Variants in DNER observed in about 807,000 individuals in gnomAD.
The protein encoded by DNER is delta/notch like EGF repeat containing, also known as delta and Notch-like epidermal growth factor-related receptor.
DNER carries 33 observed loss-of-function variants against 78.2 expected under a neutral mutation model. The observed-to-expected ratio is 0.42, with a 90% CI of 0.32 to 0.56. The LOEUF is 0.56. Among genes scored for constraint, DNER ranks in the 20% least tolerant of loss-of-function variants. The pLI is 0.11. For missense variants in DNER, 918 were observed against 975.3 expected (o/e 0.94, Z 0.78); for synonymous variants, 417 against 384.8 (o/e 1.08, Z -0.98).
At chr2:229,379,062 A>T (rs1342699622) in intron 11 of DNER, among the ~76,000 whole-genome samples, 1 of 152,192 alleles carries the variant, frequency 6.6e-6, no homozygotes, top group East Asian at 1.9e-4. Context: ...ATCAAATGGA[A>T]GATGATAGAG....
intron 4 of DNER, among the ~76,000 whole-genome samples, chr2:229,560,268 A>G (rs1032599569): frequency 1.3e-5 from 2 of 152,254 alleles, no homozygotes; most frequent in African/African-American, 4.8e-5. Context: ...TTAAAGGGAA[A>G]GCATAAGTGG....
chr2:229,714,517 G>T lies in DNER; in HGVS notation c.-94C>A, dbSNP rs1699965511. 3.8e-6 allele frequency: 4 copies of T among 1,058,038 alleles called. No individual in the cohort carries two copies. The South Asian group carries it at 1.8e-4, about 46-fold the overall frequency. The allele number at this position is 1,058,038 out of a possible 1,614,324, so 65.5% of individuals were successfully genotyped here. A position where few individuals can be genotyped will look rare whatever the true frequency, so the allele number is the denominator to read the frequency against. On this transcript the variant is annotated 5_prime_UTR_variant, in exon 1 of 13. Coordinates refer to ENST00000341772, the MANE Select transcript of DNER (RefSeq NM_139072.4). ...GAGAGCTGCGAGAGCGACGGTGGCG[G>T]CTAGGGCTGCTCCGCCGGGCCGGGC...
chr2:229,469,794 A>G (rs946577663), intron 7 of DNER, among the ~76,000 whole-genome samples: 1 of 152,102 alleles, frequency 6.6e-6, no homozygotes. Context: ...AATACAAAAA[A>G]TAGCTGGGCA....
At chr2:229,431,820 T>A (rs1694014021) in intron 8 of DNER, among the ~76,000 whole-genome samples, 1 of 152,046 alleles carries the variant, frequency 6.6e-6, no homozygotes, top group Admixed American at 6.5e-5. Context: ...AGATGTCTTT[T>A]ACAAAAGGAA....
At chr2:229,396,676 G>C (rs1378483015) in intron 10 of DNER, among the ~76,000 whole-genome samples, 1 of 152,208 alleles carries the variant, frequency 6.6e-6, no homozygotes, top group Non-Finnish European at 1.5e-5. Context: ...TAAGGAAAAA[G>C]TGAAATATTA....
At chr2:229,574,802 C>G (rs1697268640) in intron 4 of DNER, among the ~76,000 whole-genome samples, 1 of 151,996 alleles carries the variant, frequency 6.6e-6, no homozygotes, top group African/African-American at 2.4e-5. Context: ...TCTCTTTCTT[C>G]CTCTCTCCAA....
intron 5 of DNER, among the ~76,000 whole-genome samples, chr2:229,540,782 A>G (rs1696496849): frequency 6.6e-6 from 1 of 152,200 alleles, no homozygotes; most frequent in Admixed American, 6.5e-5. Flanking sequence ...CCTGGGCTCT[A>G]GAAGGTTTGA....
intron 7 of DNER, among the ~76,000 whole-genome samples, chr2:229,451,794 C>A (rs1009992661): frequency 6.6e-6 from 1 of 152,128 alleles, no homozygotes; most frequent in Non-Finnish European, 1.5e-5. Flanking sequence ...ATGTTTCTAT[C>A]CTGTTTGTGT....
chr2:229,477,804 G>T (rs1327339493), intron 6 of DNER, among the ~76,000 whole-genome samples: 1 of 152,158 alleles, frequency 6.6e-6, no homozygotes, highest in Non-Finnish European at 1.5e-5. Flanking sequence ...AGAATGCTAA[G>T]CACATTAATA....
chr2:229,391,328 A>AGTTAACTAATAAATCT (rs1326679937), intron 10 of DNER, among the ~76,000 whole-genome samples: 3 of 152,182 alleles, frequency 2.0e-5, no homozygotes, highest in Non-Finnish European at 4.4e-5. Flanking sequence ...CTTTGCTAAT[A>AGTTAACTAATAAATCT]GTTAACTAAT....
chr2:229,526,102 T>C (rs1313432781), intron 5 of DNER, among the ~76,000 whole-genome samples: 3 of 152,306 alleles, frequency 2.0e-5, no homozygotes, highest in Non-Finnish European at 4.4e-5. Flanking sequence ...GGAAGAAACT[T>C]AACATATCTA....
At chr2:229,380,336 C>G (rs1412772653) in intron 11 of DNER, among the ~76,000 whole-genome samples, 1 of 152,146 alleles carries the variant, frequency 6.6e-6, no homozygotes, top group Non-Finnish European at 1.5e-5. Flanking sequence ...GTGACACAGA[C>G]AGACAGGCAG....
chr2:229,422,303 GA>G (rs1248246697), intron 8 of DNER, among the ~76,000 whole-genome samples: 1 of 151,876 alleles, frequency 6.6e-6, no homozygotes, highest in African/African-American at 2.4e-5. Context: ...CCCAGTGTCT[GA>G]AAAAAAATTA....
intron 4 of DNER, among the ~76,000 whole-genome samples, chr2:229,552,469 A>G (rs1369333592): frequency 6.6e-6 from 1 of 152,118 alleles, no homozygotes; most frequent in Non-Finnish European, 1.5e-5. Context: ...GTGTGGTGGG[A>G]GGGATGCAGT....
chr2:229,615,780 A>G (rs1698148122), intron 1 of DNER, among the ~76,000 whole-genome samples: 2 of 132,034 alleles, frequency 1.5e-5, no homozygotes, highest in African/African-American at 5.6e-5. Flanking sequence ...TCCCTTCACT[A>G]GGAGACTAGC....
intron 8 of DNER, among the ~76,000 whole-genome samples, chr2:229,425,854 G>A (rs1445624262): frequency 6.6e-6 from 1 of 152,190 alleles, no homozygotes; most frequent in Non-Finnish European, 1.5e-5. Flanking sequence ...AGACCATGGT[G>A]CTGTGATCAG....
In DNER at chr2:229,367,069, G is replaced by A. The variant is rs777343605; in HGVS notation, c.1906C>T (p.Arg636Trp). Residue 636 changes from arginine (R) to tryptophan (W), a missense_variant, in exon 12 of 13, where the codon CGG becomes TGG. Physicochemically the swap from Arg to Trp is moderately radical, Grantham distance 101. Transcript: ENST00000341772. ...CCAATGATGATGTAGAGGGAGTGCCGTGGCATGTTGGTGAGGCTCTCCGCC... is the reference window on the plus strand; with the variant it reads ...CCAATGATGATGTAGAGGGAGTGCCATGGCATGTTGGTGAGGCTCTCCGCC... ...HMAESLTNMP[R>W]HSLYIIIGAL... 5.6e-6 allele frequency: 9 copies of A among 1,614,118 alleles called. No homozygotes were observed. Among genetic ancestry groups the A allele is most frequent in the South Asian group, 2.2e-5 (2 of 91,060 alleles).
At chr2:229,590,689 C>G (rs914603351) in intron 2 of DNER, among the ~76,000 whole-genome samples, 3 of 152,132 alleles carry the variant, frequency 2.0e-5, no homozygotes, top group Admixed American at 6.5e-5. Flanking sequence ...TGAGAAGACG[C>G]GGGCTGTGAA....
At chr2:229,662,855 C>A (rs145181833) in intron 1 of DNER, among the ~76,000 whole-genome samples, 16 of 152,322 alleles carry the variant, frequency 1.1e-4, no homozygotes, top group Non-Finnish European at 2.1e-4. Flanking sequence ...ATAAGGAAGA[C>A]CAGTTCTCAC....
Sources: gnomAD v4.1 joint callset for allele counts (sites outside exome capture counted in the v4.1 genomes callset) on GRCh38, gnomAD v4.1.1 for gene constraint, MANE v1.5 for transcripts, NCBI Gene and HGNC (gene_info 2026-07-23, HGNC 2026-07-21) for gene names.